The following RNF180 variants were observed in gnomAD, a reference collection of about 807,000 sequenced individuals.
RNF180 encodes the protein ring finger protein 180, also known as E3 ubiquitin-protein ligase RNF180.
RNF180 carries 38 observed loss-of-function variants against 59.2 expected under a neutral mutation model. That is an observed-to-expected ratio of 0.64 (90% CI 0.50 to 0.84). The LOEUF is 0.84. RNF180 is among the 40% of genes least tolerant of loss of function. The pLI is 0.00. For missense variants in RNF180, 705 were observed against 700.9 expected (o/e 1.01, Z -0.07); for synonymous variants, 262 against 240.3 (o/e 1.09, Z -0.84).
intron 4 of RNF180, among the ~76,000 whole-genome samples, chr5:64,216,312 AAG>A (rs1450147274): frequency 6.6e-6 from 1 of 152,154 alleles, no homozygotes; most frequent in Non-Finnish European, 1.5e-5. Flanking sequence ...AAATCCTAGA[AAG>A]AGTAAATATC....
intron 7 of RNF180, among the ~76,000 whole-genome samples, chr5:64,353,802 A>T (rs1405801213): frequency 2.0e-5 from 3 of 151,850 alleles, no homozygotes; most frequent in Non-Finnish European, 2.9e-5. Flanking sequence ...TGAAGCTAGA[A>T]ATCCATATAG....
intron 5 of RNF180, among the ~76,000 whole-genome samples, chr5:64,233,874 A>G (rs750889469): frequency 3.3e-5 from 5 of 152,226 alleles, no homozygotes; most frequent in Non-Finnish European, 7.3e-5. Context: ...CACTGCCACT[A>G]GAATTGAGAC....
At chr5:64,220,787 G>A (rs1741284249) in intron 5 of RNF180, among the ~76,000 whole-genome samples, 1 of 152,004 alleles carries the variant, frequency 6.6e-6, no homozygotes, top group African/African-American at 2.4e-5. Context: ...TTCCTTATGT[G>A]TCTGTGGAGT....
intron 5 of RNF180, among the ~76,000 whole-genome samples, chr5:64,275,975 G>A (rs1050962018): frequency 6.6e-6 from 1 of 151,958 alleles, no homozygotes; most frequent in African/African-American, 2.4e-5. Context: ...CTTATGGAAT[G>A]TTCTATCCTG....
At chr5:64,199,463 T>C (rs1751620747) in intron 1 of RNF180, among the ~76,000 whole-genome samples, 1 of 152,196 alleles carries the variant, frequency 6.6e-6, no homozygotes, top group Non-Finnish European at 1.5e-5. Flanking sequence ...TCAGTAAAAA[T>C]TTCTAGGAGT....
intron 7 of RNF180, among the ~76,000 whole-genome samples, chr5:64,334,485 C>T (rs1311225457): frequency 6.6e-6 from 1 of 152,090 alleles, no homozygotes; most frequent in African/African-American, 2.4e-5. Flanking sequence ...AAAAATCGCA[C>T]ATAGGATTTT....
chr5:64,175,683 A>G (rs1040557220), intron 1 of RNF180, among the ~76,000 whole-genome samples: 8 of 152,168 alleles, frequency 5.3e-5, no homozygotes, highest in Non-Finnish European at 1.2e-4. Flanking sequence ...GGATTGCATT[A>G]AATCTGTAGA....
In RNF180 at chr5:64,294,526, T is replaced by C. The variant is rs564032261; in HGVS notation, c.1228-30660T>C. ...CATGTATTACTTTTTTTGTAAATGATTAATATGTACACTGCATTAGTATAT... is the reference window on the plus strand; with the variant it reads ...CATGTATTACTTTTTTTGTAAATGACTAATATGTACACTGCATTAGTATAT... On this transcript the variant is annotated intron_variant, in intron 5 of 7. Transcript: ENST00000389100. Among the ~76,000 whole-genome samples, 9 of 152,324 alleles carry C rather than the reference T, an allele frequency of 5.9e-5. 1 individual carries two copies. Among genetic ancestry groups the C allele is most frequent in the African/African-American group, 2.2e-4 (9 of 41,584 alleles).
chr5:64,339,823 G>A lies in RNF180; in HGVS notation c.1579+9417G>A, dbSNP rs1745288342. Among the ~76,000 whole-genome samples, 4 of 152,008 alleles carry A rather than the reference G, an allele frequency of 2.6e-5. No individual in the cohort carries two copies. The South Asian group carries it at 8.3e-4, about 31-fold the overall frequency. Reference sequence around the variant, plus strand: ...ATACTTGTCCTTTTCACCCTATGAAGTGTCTTACATAATCAATAAGTAAGC... The same window carrying A: ...ATACTTGTCCTTTTCACCCTATGAAATGTCTTACATAATCAATAAGTAAGC... On this transcript the variant is annotated intron_variant, in intron 7 of 7. Transcript: ENST00000389100.
intron 5 of RNF180, among the ~76,000 whole-genome samples, chr5:64,232,472 C>A (rs1372265273): frequency 6.6e-6 from 1 of 152,120 alleles, no homozygotes; most frequent in African/African-American, 2.4e-5. Context: ...ACTCAAGTGA[C>A]CAGACAATTT....
At chr5:64,256,086 G>A (rs1743931502) in intron 5 of RNF180, among the ~76,000 whole-genome samples, 1 of 152,130 alleles carries the variant, frequency 6.6e-6, no homozygotes, top group Non-Finnish European at 1.5e-5. Context: ...GTTCATTGTA[G>A]ATTCTGGATA....
At chr5:64,329,458 T>C (rs1376812296) in intron 6 of RNF180, among the ~76,000 whole-genome samples, 1 of 136,982 alleles carries the variant, frequency 7.3e-6, no homozygotes, top group African/African-American at 2.7e-5. Flanking sequence ...TTTTTTTTTC[T>C]TTTTTTTTTT....
At chr5:64,363,142 T>G (rs1746321095) in intron 7 of RNF180, among the ~76,000 whole-genome samples, 3 of 151,936 alleles carry the variant, frequency 2.0e-5, no homozygotes, top group Admixed American at 2.0e-4. Flanking sequence ...GAATTGCTTT[T>G]GGCATCTTCA....
intron 5 of RNF180, among the ~76,000 whole-genome samples, chr5:64,267,760 A>C (rs576524366): frequency 3.3e-4 from 51 of 152,278 alleles, no homozygotes; most frequent in Admixed American, 1.0e-3. Flanking sequence ...CTTCTTTATT[A>C]AGGCATTAAA....
intron 5 of RNF180, 74 bp from the exon 6 acceptor site, chr5:64,325,112 A>T: frequency 1.1e-6 from 1 of 922,736 alleles, no homozygotes; most frequent in East Asian, 2.6e-5. Context: ...GTTCATTTTA[A>T]CAAAATATAA....
intron 7 of RNF180, among the ~76,000 whole-genome samples, chr5:64,362,065 T>A (rs1351144943): frequency 6.6e-6 from 1 of 151,106 alleles, no homozygotes; most frequent in Non-Finnish European, 1.5e-5. Flanking sequence ...TAATTAAACT[T>A]AAATTTAATT....
chr5:64,264,758 G>A (rs1188305348), intron 5 of RNF180, among the ~76,000 whole-genome samples: 1 of 152,148 alleles, frequency 6.6e-6, no homozygotes, highest in Non-Finnish European at 1.5e-5. Context: ...TAATGGGATT[G>A]CTGGGTCAAA....
chr5:64,260,286 A>G (rs1039508384), intron 5 of RNF180, among the ~76,000 whole-genome samples: 3 of 152,074 alleles, frequency 2.0e-5, no homozygotes. Flanking sequence ...GCTACACAAT[A>G]TTTTATTTTA....
chr5:64,176,794 T>A (rs1313986761), intron 1 of RNF180, among the ~76,000 whole-genome samples: 3 of 152,158 alleles, frequency 2.0e-5, no homozygotes, highest in Non-Finnish European at 4.4e-5. Context: ...ACATCCTTGG[T>A]AAAATTGCTG....
Sources: gnomAD v4.1 joint callset for allele counts (sites outside exome capture counted in the v4.1 genomes callset) on GRCh38, gnomAD v4.1.1 for gene constraint, MANE v1.5 for transcripts, NCBI Gene and HGNC (gene_info 2026-07-23, HGNC 2026-07-21) for gene names.